FAM120B: variants seen among roughly 807,000 people sequenced by gnomAD.
FAM120B encodes the protein constitutive coactivator of peroxisome proliferator-activated receptor gamma.
In FAM120B, 83 loss-of-function variants were observed where a neutral mutation model predicts 96.3. The observed-to-expected ratio is 0.86, with a 90% CI of 0.72 to 1.03. The LOEUF (loss-of-function observed/expected upper bound fraction) is 1.03. Among genes scored for constraint, FAM120B ranks in the 50% least tolerant of loss-of-function variants. FAM120B has a pLI of 0.00. For synonymous variants in FAM120B, 407 were observed against 402.7 expected, an observed-to-expected ratio of 1.01 and a Z score of -0.13; for missense variants, 1,027 against 1,121.2, an observed-to-expected ratio of 0.92 and a Z score of 1.20.
chr6:170,297,038 G>C (rs1410455601), intron 1 of FAM120B, among the ~76,000 whole-genome samples: 1 of 152,230 alleles, frequency 6.6e-6, no homozygotes, highest in Non-Finnish European at 1.5e-5. Context: ...CTTGCCGGGA[G>C]CGGGGGCACG....
At chr6:170,349,392 A>G (rs558212711) in intron 5 of FAM120B, among the ~76,000 whole-genome samples, 55 of 152,332 alleles carry the variant, frequency 3.6e-4, no homozygotes, top group African/African-American at 1.3e-3. Context: ...CAAATTATTG[A>G]TTGTCTTTAA....
At chr6:170,322,270 A>G (rs9356589) in intron 2 of FAM120B, among the ~76,000 whole-genome samples, 20,340 of 152,284 alleles carry the variant, frequency 0.13, 1,499 homozygotes, top group East Asian at 0.31. Context: ...GGCTTCTAAC[A>G]CTAAGCAGCT....
intron 6 of FAM120B, among the ~76,000 whole-genome samples, chr6:170,360,721 C>T (rs1343056802): frequency 6.6e-6 from 1 of 152,064 alleles, no homozygotes; most frequent in Non-Finnish European, 1.5e-5. Flanking sequence ...GCTTGTGATC[C>T]CTGAGGTCAC....
intron 5 of FAM120B, among the ~76,000 whole-genome samples, chr6:170,352,106 A>G (rs1204845209): frequency 6.6e-6 from 1 of 152,252 alleles, no homozygotes; most frequent in Non-Finnish European, 1.5e-5. Context: ...TTTACCAAGC[A>G]AATGGAAAAC....
At chr6:170,369,040 TG>T in intron 6 of FAM120B, among the ~76,000 whole-genome samples, 1 of 152,218 alleles carries the variant, frequency 6.6e-6, no homozygotes, top group Admixed American at 6.5e-5. Flanking sequence ...AGGACGTATT[TG>T]CCCGTAGCAG....
At position 170,318,762 on chromosome 6, in the gene FAM120B, A is replaced by C; in HGVS notation, c.1372A>C (p.Arg458=). 1 of 1,613,196 alleles carries C rather than the reference A, an allele frequency of 6.2e-7. No homozygotes were observed. Among genetic ancestry groups the C allele is most frequent in the African/African-American group, 1.3e-5 (1 of 74,690 alleles). The change falls in exon 2 of 11, where the codon AGG becomes CGG. Residue 458 remains arginine, a synonymous_variant. Transcript: ENST00000476287. ...TCCCATGTATACAGGCTCTGAACCC[A>C]GGCAAGAAGTTCCCATGTATACAGG... ...EVPMYTGSEP[R]QEVPMYTGPE...
intron 9 of FAM120B, among the ~76,000 whole-genome samples, chr6:170,401,016 T>G (rs564692024): frequency 6.6e-6 from 1 of 152,358 alleles, no homozygotes; most frequent in African/African-American, 2.4e-5. Context: ...GGAAGCAGCT[T>G]TCTTCCGATT....
At chr6:170,394,473 G>A (rs940639184) in intron 8 of FAM120B, among the ~76,000 whole-genome samples, 18 of 149,180 alleles carry the variant, frequency 1.2e-4, no homozygotes, top group African/African-American at 4.4e-4. Context: ...ACAAGGCCAC[G>A]CCTCCGTGGA....
chr6:170,326,554 G>C (rs1325844159), intron 3 of FAM120B, among the ~76,000 whole-genome samples: 3 of 152,160 alleles, frequency 2.0e-5, no homozygotes, highest in Non-Finnish European at 4.4e-5. Flanking sequence ...TTTCTGTGAA[G>C]GGTCAGATAA....
intron 9 of FAM120B, among the ~76,000 whole-genome samples, chr6:170,400,142 G>C (rs9460008): frequency 1.4e-5 from 1 of 71,628 alleles, no homozygotes; most frequent in African/African-American, 4.9e-5. Context: ...GGAGTGAGTG[G>C]GGAAGGTAGA....
Position 170,301,555 on chromosome 6 carries a change from G to A in FAM120B, c.48+6102G>A, listed in dbSNP as rs112083848. Among the ~76,000 whole-genome samples, 815 of 152,270 alleles carry A rather than the reference G, an allele frequency of 5.4e-3. 5 individuals carry two copies. The highest frequency in any genetic ancestry group is 0.017 in the Middle Eastern group (5 of 292). On this transcript the variant is annotated intron_variant, in intron 1 of 10. Coordinates refer to the FAM120B transcript ENST00000537664. The stretch of plus-strand genomic sequence containing the variant: ...CTTGAATTTCTCCCCCAGAAAATGG[G>A]TTTTTTTAATCTATTGCATTGCCAG...
intron 6 of FAM120B, among the ~76,000 whole-genome samples, chr6:170,384,238 G>A (rs9459997): frequency 0.033 from 5,009 of 152,276 alleles, 121 homozygotes; most frequent in Middle Eastern, 0.11. Flanking sequence ...CCTGAATAAG[G>A]ATTGTGGATG....
intron 6 of FAM120B, among the ~76,000 whole-genome samples, chr6:170,379,278 A>G (rs1265872314): frequency 6.6e-6 from 1 of 152,322 alleles, no homozygotes; most frequent in East Asian, 1.9e-4. Flanking sequence ...AGCACCTGTG[A>G]TTTTGTTACC....
chr6:170,367,542 A>G (rs1788878962), intron 6 of FAM120B, among the ~76,000 whole-genome samples: 1 of 152,274 alleles, frequency 6.6e-6, no homozygotes. Flanking sequence ...TCTTTCCAGA[A>G]GAGCGTGCTG....
chr6:170,317,762 G>A lies in FAM120B; in HGVS notation c.372G>A (p.Glu124=). The stretch of plus-strand genomic sequence containing the variant: ...TTCATTACATCAAGTCACACAAGGA[G>A]CAGCCAGGCAGAAATATGTTCTTCA... ...RIFHYIKSHK[E]QPGRNMFFIP... The change falls in exon 2 of 11, where the codon GAG becomes GAA. Residue 124 remains glutamate (E), a synonymous_variant. Coordinates refer to ENST00000476287, the MANE Select transcript of FAM120B (RefSeq NM_032448.3). 1 of 1,614,168 alleles carries A rather than the reference G, an allele frequency of 6.2e-7. No homozygotes were observed. The highest frequency in any genetic ancestry group is 1.1e-5 in the South Asian group (1 of 91,082).
At chr6:170,313,478 T>C (rs1784719542) in intron 1 of FAM120B, among the ~76,000 whole-genome samples, 1 of 152,240 alleles carries the variant, frequency 6.6e-6, no homozygotes, top group Non-Finnish European at 1.5e-5. Flanking sequence ...TGTTTTGTAT[T>C]GTCATACTGG....
chr6:170,404,457 A>C, intron 9 of FAM120B, 93 bp from the exon 10 acceptor site: 5 of 1,105,610 alleles, frequency 4.5e-6, no homozygotes, highest in Non-Finnish European at 6.7e-6. Context: ...ACAGCTCAGC[A>C]TCTTTGTTCA....
intron 4 of FAM120B, among the ~76,000 whole-genome samples, chr6:170,335,525 A>C (rs1357016646): frequency 1.2e-4 from 19 of 152,194 alleles, no homozygotes; most frequent in Non-Finnish European, 4.4e-5. Flanking sequence ...ATACGTGTGC[A>C]TGTGTCTTTA....
upstream of FAM120B, among the ~76,000 whole-genome samples, chr6:170,293,865 G>T (rs1268072839): frequency 1.3e-5 from 2 of 151,462 alleles, no homozygotes; most frequent in Admixed American, 6.6e-5. Context: ...GGAGCCTGTT[G>T]TAGTTTAACT....
Sources: allele counts gnomAD v4.1 joint callset (sites outside exome capture counted in the v4.1 genomes callset), GRCh38; gene constraint gnomAD v4.1.1; transcripts MANE v1.5; gene names NCBI Gene and HGNC (gene_info 2026-07-23, HGNC 2026-07-21).